Variants in UBN2 observed in about 807,000 individuals in gnomAD.
The protein encoded by UBN2 is ubinuclein 2, also known as ubinuclein-2.
In UBN2, 35 loss-of-function variants were observed where a neutral mutation model predicts 120.2. The observed-to-expected ratio is 0.29, with a 90% CI of 0.22 to 0.39. The LOEUF (loss-of-function observed/expected upper bound fraction) is 0.39, where lower values mean the gene tolerates loss of function less well. Ranked by LOEUF, UBN2 falls within the 10% of genes least tolerant of loss-of-function variation. The pLI, the probability that UBN2 is intolerant of heterozygous loss-of-function variation, is 1.00. For synonymous variants in UBN2, 661 were observed against 648.7 expected (o/e 1.02, Z -0.29); for missense variants, 1,693 against 1,663.2 (o/e 1.02, Z -0.31).
At chr7:139,252,841 G>C (rs1258294917) in intron 3 of UBN2, among the ~76,000 whole-genome samples, 1 of 152,094 alleles carries the variant, frequency 6.6e-6, no homozygotes, top group Non-Finnish European at 1.5e-5. Flanking sequence ...TTAAGCTAGT[G>C]GTTCTCAATC....
Position 139,231,500 on chromosome 7 carries a change from A to C in UBN2, c.16A>C (p.Arg6=). 7.1e-7 allele frequency: 1 copy of C among 1,401,002 alleles called. No individual in the cohort carries two copies. Among genetic ancestry groups the C allele is most frequent in the Non-Finnish European group, 9.4e-7 (1 of 1,069,492 alleles). 86.8% of individuals were successfully genotyped at this position (1,401,002 alleles called of 1,614,324 possible). Residue 6 remains arginine, a synonymous_variant, in exon 1 of 18, where the codon AGA becomes CGA. Coordinates refer to ENST00000473989, the MANE Select transcript of UBN2 (RefSeq NM_173569.4). MAEPR[R]VAFISLSPVR... ...AACAGTGGGGATGGCGGAGCCGCGC[A>C]GAGTAGCGTTCATTAGCTTGTCACC...
the UBN2 span, among the ~76,000 whole-genome samples, chr7:139,316,056 A>G: frequency 2.4e-3 from 358 of 146,404 alleles, no homozygotes; most frequent in African/African-American, 5.2e-3. Flanking sequence ...CAGCCTGGGC[A>G]ACAAGAGCGA....
chr7:139,312,337 A>G (rs1009177683), downstream of UBN2, among the ~76,000 whole-genome samples: 2 of 152,250 alleles, frequency 1.3e-5, no homozygotes, highest in Admixed American at 6.5e-5. Context: ...TTACTTAGAT[A>G]CATCCACGTT....
At chr7:139,275,786 A>G (rs945295632) in intron 11 of UBN2, among the ~76,000 whole-genome samples, 2 of 152,040 alleles carry the variant, frequency 1.3e-5, no homozygotes, top group African/African-American at 4.8e-5. Flanking sequence ...CAGCCTGGGC[A>G]GCATAGTGAG....
intron 1 of UBN2, among the ~76,000 whole-genome samples, chr7:139,234,085 A>C (rs368561903): frequency 6.6e-6 from 1 of 152,172 alleles, no homozygotes; most frequent in African/African-American, 2.4e-5. Flanking sequence ...CATATGTTTA[A>C]GTAAAATTGT....
At chr7:139,257,449 C>T (rs924081880) in intron 3 of UBN2, among the ~76,000 whole-genome samples, 2 of 152,148 alleles carry the variant, frequency 1.3e-5, no homozygotes, top group African/African-American at 2.4e-5. Flanking sequence ...CGCTGTGTCA[C>T]CCAGTCTGGA....
At chr7:139,289,896 A>AT (rs1003662367) in intron 15 of UBN2, among the ~76,000 whole-genome samples, 84 of 141,896 alleles carry the variant, frequency 5.9e-4, no homozygotes, top group Admixed American at 6.3e-4. Context: ...CTCTGGTTAA[A>AT]TTTTTTTTTT....
rs1387462062 is a variant in UBN2 at position 139,231,442 on chromosome 7, C to T, written c.-43C>T. 2 of 1,280,914 alleles carry T rather than the reference C, an allele frequency of 1.6e-6. No individual in the cohort carries two copies. The highest frequency in any genetic ancestry group is 2.4e-5 in the South Asian group (1 of 42,134). The allele number at this position is 1,280,914 out of a possible 1,614,324, so 79.3% of individuals were successfully genotyped here. On this transcript the variant is annotated 5_prime_UTR_variant, in exon 1 of 18. Coordinates refer to ENST00000473989, the MANE Select transcript of UBN2 (RefSeq NM_173569.4). ...GCAGGCACGCAGCGCGCCGTAGAAG[C>T]GAGCGCCGGCTCGAGCAAAAGCGGA...
chr7:139,259,184 AC>A (rs1796854916), intron 4 of UBN2, 82 bp from the exon 5 acceptor site: 1 of 1,542,866 alleles, frequency 6.5e-7, no homozygotes, highest in African/African-American at 1.4e-5. Flanking sequence ...TTTGAGAAAA[AC>A]CACTGCTGAT....
At chr7:139,324,002 G>T in the UBN2 span, among the ~76,000 whole-genome samples, 2 of 152,114 alleles carry the variant, frequency 1.3e-5, no homozygotes, top group African/African-American at 4.8e-5. Flanking sequence ...CTGGGTGACA[G>T]CAGCAACCAA....
chr7:139,256,736 T>G (rs1410214872), intron 3 of UBN2, among the ~76,000 whole-genome samples: 4 of 152,242 alleles, frequency 2.6e-5, no homozygotes, highest in African/African-American at 4.8e-5. Flanking sequence ...TACTGCCCCT[T>G]TTCTGTAAGA....
At chr7:139,320,689 T>G in the UBN2 span, among the ~76,000 whole-genome samples, 4 of 151,732 alleles carry the variant, frequency 2.6e-5, no homozygotes, top group African/African-American at 9.7e-5. Context: ...GAAACCCGTC[T>G]CTACTAAAAA....
intron 15 of UBN2, among the ~76,000 whole-genome samples, chr7:139,288,964 T>C (rs1797865450): frequency 7.1e-6 from 1 of 140,974 alleles, no homozygotes; most frequent in African/African-American, 2.8e-5. Context: ...ATTGCACCAC[T>C]GCAGTCCAGC....
chr7:139,314,814 G>A, the UBN2 span, among the ~76,000 whole-genome samples: 1 of 151,718 alleles, frequency 6.6e-6, no homozygotes, highest in African/African-American at 2.4e-5. Flanking sequence ...CCTCCAGTGT[G>A]TTTGCTTCTG....
chr7:139,307,858 GA>G lies in UBN2; in HGVS notation c.*10028del, dbSNP rs1484320811. On this transcript the variant is annotated 3_prime_UTR_variant, in exon 18 of 18. Coordinates refer to ENST00000473989, the MANE Select transcript of UBN2 (RefSeq NM_173569.4). ...GAAAGCTCTTATCACTCCTTCCTAA[GA>G]AAAAAGAAGGGCAGGTAAATTTTTT... 7 of 151,376 alleles carry G rather than the reference GA, an allele frequency of 4.6e-5. No homozygotes were observed. In the East Asian group the frequency reaches 9.7e-4, roughly 21 times the overall value. 9.4% of individuals were successfully genotyped at this position (151,376 alleles called of 1,614,324 possible). A position where few individuals can be genotyped will look rare whatever the true frequency, so the allele number is the denominator to read the frequency against.
At chr7:139,233,732 T>C (rs1796089143) in intron 1 of UBN2, among the ~76,000 whole-genome samples, 1 of 152,178 alleles carries the variant, frequency 6.6e-6, no homozygotes, top group African/African-American at 2.4e-5. Context: ...TGTCTCTGTT[T>C]ATGCTGTAAT....
At chr7:139,271,646 G>A (rs1797278880) in intron 8 of UBN2, among the ~76,000 whole-genome samples, 1 of 152,080 alleles carries the variant, frequency 6.6e-6, no homozygotes, top group African/African-American at 2.4e-5. Flanking sequence ...CACCTATGAT[G>A]GTGATAAAAG....
chr7:139,279,576 T>G (rs748270876), intron 13 of UBN2, among the ~76,000 whole-genome samples: 1 of 152,182 alleles, frequency 6.6e-6, no homozygotes, highest in Non-Finnish European at 1.5e-5. Flanking sequence ...AAGCTTAACT[T>G]TATTAATACT....
At chr7:139,270,500 C>T (rs1380367523) in intron 8 of UBN2, among the ~76,000 whole-genome samples, 1 of 152,018 alleles carries the variant, frequency 6.6e-6, no homozygotes, top group Non-Finnish European at 1.5e-5. Context: ...ATCTCCTGAC[C>T]TCAGGTGATC....
Sources: allele counts gnomAD v4.1 joint callset (sites outside exome capture counted in the v4.1 genomes callset), GRCh38; gene constraint gnomAD v4.1.1; transcripts MANE v1.5; gene names NCBI Gene and HGNC (gene_info 2026-07-23, HGNC 2026-07-21).